Variants in ZNF565 observed in about 807,000 individuals in gnomAD.
ZNF565 encodes the protein zinc finger protein 565.
A neutral mutation model predicts 39.4 loss-of-function variants in ZNF565; 27 were observed. The ratio of observed to expected loss-of-function variants is 0.69; its 90% CI spans 0.51 to 0.95. The LOEUF (loss-of-function observed/expected upper bound fraction) is 0.95, where lower values mean the gene tolerates loss of function less well. ZNF565 is among the 40% of genes least tolerant of loss of function. The pLI, the probability that ZNF565 is intolerant of heterozygous loss-of-function variation, is 0.00. For synonymous variants in ZNF565, 185 were observed against 216.6 expected, an observed-to-expected ratio of 0.85 and a Z score of 1.28; for missense variants, 524 against 621.1, an observed-to-expected ratio of 0.84 and a Z score of 1.66.
At chr19:36,205,594 T>C (rs1976123174) in intron 1 of ZNF565, among the ~76,000 whole-genome samples, 1 of 152,162 alleles carries the variant, frequency 6.6e-6, no homozygotes, top group African/African-American at 2.4e-5. Flanking sequence ...CCTAAGAATT[T>C]AAAGACAGAA....
intron 4 of ZNF565, among the ~76,000 whole-genome samples, chr19:36,192,672 C>T (rs941847251): frequency 1.3e-5 from 2 of 151,510 alleles, no homozygotes; most frequent in Admixed American, 6.6e-5. Context: ...ATCTGGGAGG[C>T]GGAGGTTTTA....
At chr19:36,189,586 T>C (rs1452676449) in intron 4 of ZNF565, among the ~76,000 whole-genome samples, 2 of 151,820 alleles carry the variant, frequency 1.3e-5, no homozygotes, top group African/African-American at 4.8e-5. Flanking sequence ...CCTCCCAAAG[T>C]GCTGGGATTA....
At chr19:36,231,488 C>T (rs111739254) in intron 1 of ZNF565, among the ~76,000 whole-genome samples, 3,602 of 152,160 alleles carry the variant, frequency 0.024, 165 homozygotes, top group African/African-American at 0.083. Context: ...GGATTACAGG[C>T]GGGAGCCACT....
chr19:36,195,860 A>G lies in ZNF565; in HGVS notation c.10-704T>C, dbSNP rs370067771. Among the ~76,000 whole-genome samples the G allele has an allele frequency of 3.4e-5, 5 of 148,198 alleles. No individual in the cohort carries two copies. In the South Asian group the frequency reaches 8.6e-4, roughly 26 times the overall value. On this transcript the variant is annotated intron_variant, in intron 2 of 4. Coordinates refer to ENST00000304116, the MANE Select transcript of ZNF565 (RefSeq NM_152477.5). ...GCCCAGCCCACCTGACCCATTTTAA[A>G]TGAGGTTAAAATTGATGAGTAGGGT... is the stretch of plus-strand genomic sequence containing the variant.
chr19:36,211,449 T>TCTCTCTCA (rs1229625965), intron 1 of ZNF565, among the ~76,000 whole-genome samples: 32 of 137,776 alleles, frequency 2.3e-4, no homozygotes, highest in African/African-American at 8.1e-4. Flanking sequence ...CAACTCTCTC[T>TCTCTCTCA]CACACACACA....
intron 4 of ZNF565, among the ~76,000 whole-genome samples, chr19:36,193,970 T>C (rs1446034364): frequency 1.3e-5 from 2 of 152,068 alleles, no homozygotes; most frequent in African/African-American, 4.8e-5. Flanking sequence ...GGTAAAAAGT[T>C]GGCCACTGGG....
chr19:36,208,733 T>C (rs990743245), intron 1 of ZNF565, among the ~76,000 whole-genome samples: 1 of 152,174 alleles, frequency 6.6e-6, no homozygotes, highest in Non-Finnish European at 1.5e-5. Context: ...TTATGGGAGC[T>C]AGACAGGTAC....
intron 4 of ZNF565, among the ~76,000 whole-genome samples, chr19:36,186,246 G>A (rs112888282): frequency 1.3e-5 from 2 of 152,090 alleles, no homozygotes; most frequent in Non-Finnish European, 2.9e-5. Context: ...TGATCCAGCC[G>A]CCTTGGCTTC....
Position 36,245,540 on chromosome 19 carries a change from G to T in ZNF565, c.-10C>A. The T allele has an allele frequency of 1.4e-6, 1 of 702,308 alleles. No individual in the cohort carries two copies. Among genetic ancestry groups the T allele is most frequent in the Non-Finnish European group, 2.6e-6 (1 of 384,822 alleles). 43.5% of individuals were successfully genotyped at this position (702,308 alleles called of 1,614,324 possible). A position where few individuals can be genotyped will look rare whatever the true frequency, so the allele number is the denominator to read the frequency against. ...AGGGTCCACGGCGCATTTAGGTGGTGGCTTGCTCTGGACTACATTTCCCAG... is the reference window on the plus strand; with the variant it reads ...AGGGTCCACGGCGCATTTAGGTGGTTGCTTGCTCTGGACTACATTTCCCAG... On this transcript the variant is annotated 5_prime_UTR_variant, in exon 1 of 5. Transcript: ENST00000355114. The surrounding 1 kb of genome is among the most constrained non-coding windows in gnomAD (Gnocchi z 4.4).
chr19:36,196,097 T>C (rs1275007460), intron 2 of ZNF565, among the ~76,000 whole-genome samples: 1 of 151,834 alleles, frequency 6.6e-6, no homozygotes, highest in Non-Finnish European at 1.5e-5. Context: ...CCGCCACACT[T>C]GGCTAATTTT....
In ZNF565 at chr19:36,183,020, A is replaced by C. The variant is rs1460933235; in HGVS notation, c.946T>G (p.Phe316Val). ...ACAGTCAGCTGTGAGTGCTGTCTAA[A>C]GGCTTTCCCGCATTCTTTACACTCA... is the stretch of plus-strand genomic sequence containing the variant. ...PYECKECGKA[F>V]RQHSQLTVHQ... Residue 316 changes from phenylalanine to valine, a missense_variant, in exon 5 of 5, where the codon TTT becomes GTT. Coordinates refer to ENST00000304116, the MANE Select transcript of ZNF565 (RefSeq NM_152477.5). 2 of 1,614,072 alleles carry C rather than the reference A, an allele frequency of 1.2e-6. No individual in the cohort carries two copies. Among genetic ancestry groups the C allele is most frequent in the African/African-American group, 2.7e-5 (2 of 74,920 alleles).
In ZNF565 at chr19:36,183,353, T is replaced by C; in HGVS notation, c.613A>G (p.Ser205Gly). The C allele has an allele frequency of 6.2e-7, 1 of 1,614,138 alleles. No homozygotes were observed. Among genetic ancestry groups the C allele is most frequent in the Non-Finnish European group, 8.5e-7 (1 of 1,179,966 alleles). ...FGCKECGKAF[S>G]RASHLVQHQR... is the part of the protein sequence containing the mutation. ...TGCTGAACAAGGTGTGAGGCACGGC[T>C]GAAGGCCTTCCCACATTCCTTACAT... Residue 205 changes from serine to glycine, a missense_variant, in exon 5 of 5, where the codon AGC becomes GGC. Transcript: ENST00000304116.
At chr19:36,219,937 C>G (rs766696766) in intron 1 of ZNF565, among the ~76,000 whole-genome samples, 9 of 152,062 alleles carry the variant, frequency 5.9e-5, no homozygotes, top group Non-Finnish European at 1.2e-4. Context: ...TTTTTTCCCC[C>G]TGGCTTTTTC....
chr19:36,223,684 T>TATA (rs1243253320), intron 1 of ZNF565, among the ~76,000 whole-genome samples: 3 of 18,720 alleles, frequency 1.6e-4, no homozygotes, highest in African/African-American at 7.1e-4. Context: ...CTTTTATGGT[T>TATA]ATCAGACTTT....
chr19:36,183,372 C>T lies in ZNF565; in HGVS notation c.594G>A (p.Lys198=), dbSNP rs763978646. The change falls in exon 5 of 5, where the codon AAG becomes AAA. Residue 198 remains lysine, a synonymous_variant. Transcript: ENST00000304116. ...IHTGEKPFGC[K]ECGKAFSRAS... is the part of the protein sequence containing the mutation. ...CACGGCTGAAGGCCTTCCCACATTC[C>T]TTACATCCAAAGGGTTTTTCACCAG... 1 of 1,608,570 alleles carries T rather than the reference C, an allele frequency of 6.2e-7. No individual in the cohort carries two copies. The highest frequency in any genetic ancestry group is 1.1e-5 in the South Asian group (1 of 90,862).
At chr19:36,224,065 C>T (rs1976972629) in intron 1 of ZNF565, among the ~76,000 whole-genome samples, 1 of 152,096 alleles carries the variant, frequency 6.6e-6, no homozygotes, top group African/African-American at 2.4e-5. Context: ...TTGGCTACCA[C>T]GTTCTTTGAC....
chr19:36,193,219 G>A (rs541793518), intron 4 of ZNF565, among the ~76,000 whole-genome samples: 6 of 151,752 alleles, frequency 4.0e-5, no homozygotes, highest in South Asian at 2.1e-4. Flanking sequence ...TCCTGACCTC[G>A]TGATCCGCCC....
At chr19:36,230,870 C>T (rs1012981661) in intron 1 of ZNF565, among the ~76,000 whole-genome samples, 4 of 152,060 alleles carry the variant, frequency 2.6e-5, no homozygotes, top group East Asian at 1.9e-4. Flanking sequence ...GGTGCGATCT[C>T]GGCTCACTGC....
chr19:36,201,293 C>T (rs117393797), intron 2 of ZNF565, among the ~76,000 whole-genome samples: 2,616 of 152,138 alleles, frequency 0.017, 37 homozygotes, highest in Middle Eastern at 0.027. Flanking sequence ...CAGAGCGAGA[C>T]CCTGTCTCAA....
Sources: allele counts gnomAD v4.1 joint callset (sites outside exome capture counted in the v4.1 genomes callset), GRCh38; gene constraint gnomAD v4.1.1; non-coding constraint Gnocchi (gnomAD v3.1); transcripts MANE v1.5; gene names NCBI Gene and HGNC (gene_info 2026-07-23, HGNC 2026-07-21).